The following RAPGEF6 variants were observed in gnomAD, a reference collection of about 807,000 sequenced individuals.
RAPGEF6 encodes the protein Rap guanine nucleotide exchange factor 6.
A neutral mutation model predicts 171.4 loss-of-function variants in RAPGEF6; 56 were observed. The ratio of observed to expected loss-of-function variants is 0.33; its 90% CI spans 0.26 to 0.41. The LOEUF is 0.41. RAPGEF6 is among the 10% of genes least tolerant of loss of function. RAPGEF6 has a pLI of 1.00. For synonymous variants in RAPGEF6, 692 were observed against 650.1 expected (o/e 1.06, Z -0.98); for missense variants, 1,674 against 1,921.4 (o/e 0.87, Z 2.41).
Position 131,608,553 on chromosome 5 carries a change from G to A in RAPGEF6, c.70-3860C>T, listed in dbSNP as rs958985423. Among the ~76,000 whole-genome samples, 4 of 152,314 alleles carry A rather than the reference G, an allele frequency of 2.6e-5. No individual in the cohort carries two copies. In the South Asian group the frequency reaches 6.2e-4, roughly 24 times the overall value. On this transcript the variant is annotated intron_variant, in intron 1 of 27. Coordinates refer to ENST00000509018, the MANE Select transcript of RAPGEF6 (RefSeq NM_016340.6). ...TGGGTCATGCCAAAGGATAGCAGCT[G>A]CTATGGTTTGGATATGGTTTGTCCC...
intron 26 of RAPGEF6, among the ~76,000 whole-genome samples, chr5:131,429,579 C>T (rs1013511332): frequency 2.0e-5 from 3 of 152,054 alleles, no homozygotes; most frequent in African/African-American, 4.8e-5. Context: ...CCCTACACAC[C>T]GATTCTCTGT....
At chr5:131,518,387 T>A (rs941141074) in intron 7 of RAPGEF6, among the ~76,000 whole-genome samples, 49 of 139,536 alleles carry the variant, frequency 3.5e-4, no homozygotes. Context: ...AACTGTTATG[T>A]CAGAGTTTGA....
Position 131,606,029 on chromosome 5 carries a change from CAAAAAAAA to C in RAPGEF6, c.70-1344_70-1337del, listed in dbSNP as rs1168486376. The stretch of plus-strand genomic sequence containing the variant: ...TGGGTGACAGAGTGAGACTCCATCT[CAAAAAAAA>C]AAAAAAAAAAAAAAAAGAAAAAGAA... On this transcript the variant is annotated intron_variant, in intron 1 of 27. Transcript: ENST00000509018. 6.2e-3 allele frequency among the ~76,000 whole-genome samples: 437 copies of C among 70,568 alleles called. 6 individuals are homozygous for C. The East Asian group carries it at 0.13, about 21-fold the overall frequency. The allele number at this position is 70,568 out of a possible 152,430, so 46.3% of individuals were successfully genotyped here.
At chr5:131,549,063 T>C (rs1290173198) in intron 5 of RAPGEF6, among the ~76,000 whole-genome samples, 1 of 151,876 alleles carries the variant, frequency 6.6e-6, no homozygotes. Flanking sequence ...AAACCCTGTC[T>C]CAAAAAATTA....
chr5:131,434,521 G>A (rs1751905187), intron 24 of RAPGEF6, among the ~76,000 whole-genome samples: 1 of 152,218 alleles, frequency 6.6e-6, no homozygotes, highest in South Asian at 2.1e-4. Flanking sequence ...TTACAGGTAT[G>A]AGCCACCATG....
At chr5:131,473,781 A>T (rs1754911778) in intron 16 of RAPGEF6, among the ~76,000 whole-genome samples, 1 of 152,220 alleles carries the variant, frequency 6.6e-6, no homozygotes, top group African/African-American at 2.4e-5. Flanking sequence ...CTAGATGTAA[A>T]ATATAGGATT....
intron 17 of RAPGEF6, among the ~76,000 whole-genome samples, chr5:131,464,806 C>A (rs1045757889): frequency 1.3e-5 from 2 of 152,134 alleles, no homozygotes; most frequent in East Asian, 3.8e-4. Context: ...TTAGAAGGCA[C>A]GCATACTTTT....
At chr5:131,565,884 G>A (rs527350030) in intron 4 of RAPGEF6, among the ~76,000 whole-genome samples, 3 of 152,208 alleles carry the variant, frequency 2.0e-5, no homozygotes, top group African/African-American at 2.4e-5. Flanking sequence ...AGTGGCTCAC[G>A]CCTGTAATCC....
chr5:131,471,949 C>A (rs1321010506), intron 17 of RAPGEF6: 1 of 152,508 alleles, frequency 6.6e-6, no homozygotes, highest in Non-Finnish European at 1.5e-5. Context: ...CTCCCTTATT[C>A]TTTTCCACAC....
At chr5:131,599,838 A>C (rs1363017600) in intron 3 of RAPGEF6, among the ~76,000 whole-genome samples, 1 of 152,242 alleles carries the variant, frequency 6.6e-6, no homozygotes, top group Non-Finnish European at 1.5e-5. Context: ...ATATTTTCCA[A>C]ATGGCCAACG....
rs565526758 is a variant in RAPGEF6 at position 131,434,026 on chromosome 5, ACTT to A, written c.3746-371_3746-369del. Among the ~76,000 whole-genome samples the A allele has an allele frequency of 3.7e-3, 564 of 152,306 alleles. 4 individuals carry two copies. The highest frequency in any genetic ancestry group is 0.013 in the African/African-American group (533 of 41,560). On this transcript the variant is annotated intron_variant, in intron 24 of 27. Coordinates refer to ENST00000509018, the MANE Select transcript of RAPGEF6 (RefSeq NM_016340.6). ...AAGTACATGTCTTTAGGGTTTCTCAACTTCTTTTTAACCCAACGCTCCTTCCTT... is the reference window on the plus strand; with the variant it reads ...AAGTACATGTCTTTAGGGTTTCTCAACTTTTTAACCCAACGCTCCTTCCTT...
chr5:131,601,149 C>T (rs1447059805), intron 3 of RAPGEF6, among the ~76,000 whole-genome samples: 3 of 151,044 alleles, frequency 2.0e-5, no homozygotes, highest in African/African-American at 4.9e-5. Context: ...TTTGGGAGGC[C>T]GAGGCGGGTG....
intron 22 of RAPGEF6, among the ~76,000 whole-genome samples, chr5:131,444,789 T>A (rs1214057645): frequency 6.6e-6 from 1 of 152,148 alleles, no homozygotes; most frequent in East Asian, 1.9e-4. Context: ...ATAAGATGAT[T>A]AAGTCTACAT....
chr5:131,524,609 TGA>T (rs55956395), intron 6 of RAPGEF6, among the ~76,000 whole-genome samples: 17,104 of 134,442 alleles, frequency 0.13, 869 homozygotes, highest in East Asian at 0.2. Flanking sequence ...AGAGAGAGAT[TGA>T]GAGAGAGAGA....
chr5:131,507,432 A>G (rs1757442054), intron 9 of RAPGEF6, among the ~76,000 whole-genome samples: 1 of 151,974 alleles, frequency 6.6e-6, no homozygotes. Flanking sequence ...CTAGAAGACA[A>G]TGTTCATTTA....
In RAPGEF6 at chr5:131,474,233, G is replaced by A. The variant is rs148420203; in HGVS notation, c.2082-1489C>T. Among the ~76,000 whole-genome samples, 490 of 152,330 alleles carry A rather than the reference G, an allele frequency of 3.2e-3. 3 individuals are homozygous for A. Among genetic ancestry groups the A allele is most frequent in the African/African-American group, 0.011 (466 of 41,554 alleles). ...CAATCCCAGCACTTTGGGTGGCAGA[G>A]GTGGGTGAATCACCTGAGTCAGGAG... On this transcript the variant is annotated intron_variant, in intron 16 of 27. Coordinates refer to ENST00000509018, the MANE Select transcript of RAPGEF6 (RefSeq NM_016340.6).
intron 2 of RAPGEF6, 143 bp downstream of exon 2, chr5:131,604,480 C>T (rs2150016229): frequency 2.3e-6 from 2 of 878,850 alleles, no homozygotes; most frequent in East Asian, 6.6e-5. Flanking sequence ...AATATAAACT[C>T]CAGGAAACCA....
intron 15 of RAPGEF6, among the ~76,000 whole-genome samples, chr5:131,482,863 A>G (rs985594041): frequency 7.2e-5 from 11 of 152,216 alleles, no homozygotes; most frequent in African/African-American, 2.7e-4. Flanking sequence ...TAGGTAGAGA[A>G]AATCTCAAGT....
chr5:131,499,743 A>T (rs1315598054), intron 11 of RAPGEF6, among the ~76,000 whole-genome samples: 1 of 152,190 alleles, frequency 6.6e-6, no homozygotes, highest in Admixed American at 6.5e-5. Context: ...AAAAACTGTT[A>T]TCCATAACAC....
Sources: allele counts gnomAD v4.1 joint callset (sites outside exome capture counted in the v4.1 genomes callset), GRCh38; gene constraint gnomAD v4.1.1; transcripts MANE v1.5; gene names NCBI Gene and HGNC (gene_info 2026-07-23, HGNC 2026-07-21).